The following MROH1 variants were observed in gnomAD, a reference collection of about 807,000 sequenced individuals.
The protein encoded by MROH1 is maestro heat-like repeat-containing protein family member 1.
MROH1 carries 117 observed loss-of-function variants against 116.5 expected under a neutral mutation model. The observed-to-expected ratio is 1.00, with a 90% CI of 0.86 to 1.17. The LOEUF is 1.17. Among genes scored for constraint, MROH1 ranks in the 50% most tolerant of loss-of-function variants. The pLI is 0.00. For synonymous variants in MROH1, 921 were observed against 583.9 expected, an observed-to-expected ratio of 1.58 and a Z score of -8.32; for missense variants, 1,873 against 1,338.5, an observed-to-expected ratio of 1.40 and a Z score of -6.23.
chr8:144,179,398 C>CA (rs1824949298), intron 4 of MROH1, 57 bp from the exon 5 acceptor site: 9 of 1,598,364 alleles, frequency 5.6e-6, no homozygotes, highest in Non-Finnish European at 7.7e-6. Flanking sequence ...GACAGGCACT[C>CA]AGAGTGTCTG....
chr8:144,196,214 C>T (rs989016647), intron 10 of MROH1, among the ~76,000 whole-genome samples: 9 of 148,682 alleles, frequency 6.1e-5, no homozygotes, highest in Non-Finnish European at 1.2e-4. Flanking sequence ...TGCTTGAACC[C>T]GGGAGGCGGA....
rs1844771907 is a variant in MROH1, at chr8:144,260,273, G to A, written c.4279G>A (p.Ala1427Thr). The change falls in exon 39 of 44, where the codon GCC (alanine) becomes ACC (threonine). Residue 1427 changes from alanine to threonine, a missense_variant. Coordinates refer to ENST00000326134, the MANE Select transcript of MROH1 (RefSeq NM_032450.3). ...CCCTCACAGCCCAGTGGCCCTGGAGGCCATGCTGGGCCTTGCGAGGCTGGT... is the reference window on the plus strand; with the variant it reads ...CCCTCACAGCCCAGTGGCCCTGGAGACCATGCTGGGCCTTGCGAGGCTGGT... ...DNPHSPVALE[A>T]MLGLARLVHL... is the part of the protein sequence containing the mutation. The A allele has an allele frequency of 1.3e-6, 1 of 765,162 alleles. No individual in the cohort carries two copies. Among genetic ancestry groups the A allele is most frequent in the Non-Finnish European group, 2.4e-6 (1 of 416,622 alleles). 47.4% of individuals were successfully genotyped at this position (765,162 alleles called of 1,614,324 possible).
At chr8:144,156,325 TATC>T (rs1818076288) in intron 1 of MROH1, among the ~76,000 whole-genome samples, 1 of 152,076 alleles carries the variant, frequency 6.6e-6, no homozygotes, top group Non-Finnish European at 1.5e-5. Context: ...TGAGAATTTT[TATC>T]ATAAGTGGAC....
intron 12 of MROH1, among the ~76,000 whole-genome samples, chr8:144,205,024 G>A (rs1225723303): frequency 6.6e-6 from 1 of 152,138 alleles, no homozygotes; most frequent in African/African-American, 2.4e-5. Context: ...ATTGCTTCAT[G>A]TCCTCACCAA....
At chr8:144,232,554 C>T (rs545940177) in intron 14 of MROH1, among the ~76,000 whole-genome samples, 14 of 151,656 alleles carry the variant, frequency 9.2e-5, no homozygotes, top group East Asian at 1.9e-4. Context: ...AGTGCAGTGG[C>T]GCAATCTCAG....
At chr8:144,185,850 G>A (rs566365181) in intron 7 of MROH1, among the ~76,000 whole-genome samples, 92 of 124,708 alleles carry the variant, frequency 7.4e-4, no homozygotes, top group South Asian at 2.3e-3. Context: ...TGGGAACCAC[G>A]GGGGGGCGGT....
intron 14 of MROH1, among the ~76,000 whole-genome samples, chr8:144,230,852 G>A (rs1306598624): frequency 3.3e-5 from 4 of 121,726 alleles, no homozygotes; most frequent in Admixed American, 9.8e-5. Context: ...GGTGTTTCTC[G>A]CAGAGGGGGA....
chr8:144,179,413 TG>T, intron 4 of MROH1, 41 bp from the exon 5 acceptor site: 2 of 1,605,672 alleles, frequency 1.2e-6, no homozygotes, highest in Non-Finnish European at 8.5e-7. Context: ...TGTCTGGGTG[TG>T]GGGCTCACCT....
Position 144,174,971 on chromosome 8 carries a change from G to A in MROH1, c.169-4484G>A, listed in dbSNP as rs964746380. The A allele has an allele frequency of 4.1e-6, 4 of 985,294 alleles. No homozygotes were observed. The African/African-American group carries it at 7.0e-5, about 17-fold the overall frequency. 61.0% of individuals were successfully genotyped at this position (985,294 alleles called of 1,614,324 possible). On this transcript the variant is annotated intron_variant, in intron 4 of 43. Coordinates refer to ENST00000326134, the MANE Select transcript of MROH1 (RefSeq NM_032450.3). ...GTGGAATCTGGAGAACTCAGTCCCA[G>A]GACTCACTTCTCCCTATTGTTTTCC... is the stretch of plus-strand genomic sequence containing the variant.
chr8:144,196,479 C>T (rs1829934404), intron 10 of MROH1, among the ~76,000 whole-genome samples: 1 of 151,270 alleles, frequency 6.6e-6, no homozygotes, highest in African/African-American at 2.4e-5. Flanking sequence ...GCCTCAGCCT[C>T]CCGAGTAGCT....
chr8:144,260,369 G>T lies in MROH1; in HGVS notation c.4375G>T (p.Asp1459Tyr). The T allele has an allele frequency of 1.4e-6, 1 of 718,304 alleles. No individual in the cohort carries two copies. The highest frequency in any genetic ancestry group is 2.6e-5 in the East Asian group (1 of 38,198). The allele number at this position is 718,304 out of a possible 1,614,324, so 44.5% of individuals were successfully genotyped here. Residue 1459 changes from aspartate to tyrosine, a missense_variant, in exon 39 of 44, where the codon GAC becomes TAC. Physicochemically the swap from Asp to Tyr is radical, Grantham distance 160. Transcript: ENST00000326134. ...HVAIRIRPFF[D>Y]SEKMEFRTAS... ...GGCCATCCGCATCCGGCCTTTCTTC[G>T]ACAGTGTAGGCTGGTTGGGGCAGGG... is the stretch of plus-strand genomic sequence containing the variant.
At chr8:144,156,279 C>T (rs1218800920) in intron 1 of MROH1, among the ~76,000 whole-genome samples, 2 of 150,714 alleles carry the variant, frequency 1.3e-5, no homozygotes, top group Non-Finnish European at 2.9e-5. Context: ...AGCAGGTTTC[C>T]TTCTCTTCCT....
Position 144,256,003 on chromosome 8 carries a change from C to A in MROH1, c.3791+298C>A, listed in dbSNP as rs930220710. The stretch of plus-strand genomic sequence containing the variant: ...TTCGTGTGGCAGCTCAGGCAGGATC[C>A]GGGTGGTGCCTTCTCCTGGGAGTGG... On this transcript the variant is annotated intron_variant, in intron 35 of 43. Transcript: ENST00000326134. Among the ~76,000 whole-genome samples the A allele has an allele frequency of 2.4e-3, 363 of 152,334 alleles. 2 individuals are homozygous for A. The highest frequency in any genetic ancestry group is 8.4e-3 in the African/African-American group (349 of 41,570).
At position 144,208,612 on chromosome 8, in the gene MROH1, G is replaced by A. The variant is rs1833385088; in HGVS notation, c.1141+8071G>A. On this transcript the variant is annotated intron_variant, in intron 12 of 43. Coordinates refer to ENST00000326134, the MANE Select transcript of MROH1 (RefSeq NM_032450.3). ...TAAGGTCACATTCCGAGGTACAGGG[G>A]TTGGGATTTGCACATACGAATTTTG... 3.3e-5 allele frequency among the ~76,000 whole-genome samples: 5 copies of A among 152,062 alleles called. No individual in the cohort carries two copies. In the South Asian group the frequency reaches 1.0e-3, roughly 32 times the overall value.
intron 4 of MROH1, among the ~76,000 whole-genome samples, chr8:144,170,767 A>G (rs570131250): frequency 2.6e-5 from 4 of 152,266 alleles, no homozygotes; most frequent in Admixed American, 6.5e-5. Flanking sequence ...GTAGCATGCC[A>G]CCTGTGCCAC....
chr8:144,158,492 ATTC>A (rs1818713911), intron 1 of MROH1, among the ~76,000 whole-genome samples: 1 of 152,182 alleles, frequency 6.6e-6, no homozygotes, highest in Non-Finnish European at 1.5e-5. Context: ...TACTTTAATC[ATTC>A]TTCTTTTCTA....
At chr8:144,246,367 T>C (rs892586442) in intron 29 of MROH1, among the ~76,000 whole-genome samples, 2 of 151,956 alleles carry the variant, frequency 1.3e-5, no homozygotes, top group Non-Finnish European at 2.9e-5. Context: ...TGACCTCAAG[T>C]GATCTGCCCA....
chr8:144,157,178 G>T (rs7817619), intron 1 of MROH1, among the ~76,000 whole-genome samples: 12 of 151,832 alleles, frequency 7.9e-5, no homozygotes. Context: ...GGCTGGTCTC[G>T]AACTCCTGAC....
intron 4 of MROH1, chr8:144,175,469 T>G (rs1823623763): frequency 2.0e-6 from 2 of 984,604 alleles, no homozygotes; most frequent in Non-Finnish European, 2.4e-6. Context: ...TTACACTGAT[T>G]TTCAATTCTT....
Sources: allele counts gnomAD v4.1 joint callset (sites outside exome capture counted in the v4.1 genomes callset), GRCh38; gene constraint gnomAD v4.1.1; transcripts MANE v1.5; gene names NCBI Gene and HGNC (gene_info 2026-07-23, HGNC 2026-07-21).